The following PAX8 variants were observed in gnomAD, a reference collection of about 807,000 sequenced individuals.
The protein encoded by PAX8 is paired box protein Pax-8.
Under a neutral mutation model 52.4 loss-of-function variants are expected in PAX8, and 15 were observed. The ratio of observed to expected loss-of-function variants is 0.29; its 90% confidence interval spans 0.19 to 0.44. The LOEUF (loss-of-function observed/expected upper bound fraction) is 0.44. Ranked by LOEUF, PAX8 falls within the 20% of genes least tolerant of loss-of-function variation. PAX8 has a pLI of 1.00. For missense variants in PAX8, 554 were observed against 602.5 expected, an observed-to-expected ratio of 0.92 and a Z score of 0.84; for synonymous variants, 284 against 249.7, an observed-to-expected ratio of 1.14 and a Z score of -1.29.
At chr2:113,271,987 G>C (rs1693490455) in intron 2 of PAX8, 1 of 152,078 alleles carries the variant, frequency 6.6e-6, no homozygotes, top group Non-Finnish European at 1.5e-5. Flanking sequence ...CTCAGCTCTT[G>C]TGCAGACGTT....
intron 7 of PAX8, chr2:113,239,277 A>C (rs939179280): frequency 6.6e-5 from 10 of 152,258 alleles, no homozygotes; most frequent in African/African-American, 1.9e-4. Flanking sequence ...CTTGTTGGCC[A>C]GGCTGGTCTC....
Position 113,241,665 on chromosome 2 carries a change from C to T in PAX8, c.663G>A (p.Lys221=). 4 of 1,614,140 alleles carry T rather than the reference C, an allele frequency of 2.5e-6. No individual in the cohort carries two copies. Among genetic ancestry groups the T allele is most frequent in the Non-Finnish European group, 3.4e-6 (4 of 1,180,014 alleles). The change falls in exon 7 of 12, where the codon AAG becomes AAA. Residue 221 remains lysine, a synonymous_variant. Transcript: ENST00000429538. ...GGCTGAAGGCATCCGTGCGAAGGTG[C>T]TTTCGGGGTCCGCTGCTGCTGCTCT... ...DSQSSSSGPR[K]HLRTDAFSQH...
rs551472980 is a variant in PAX8 at position 113,258,723 on chromosome 2, G to A, written c.26-11804C>T. 5.5e-4 allele frequency among the ~76,000 whole-genome samples: 84 copies of A among 152,154 alleles called. 1 individual carries two copies. Among genetic ancestry groups the A allele is most frequent in the African/African-American group, 1.9e-3 (80 of 41,508 alleles). Reference sequence around the variant, plus strand: ...TTGATATTAGATTTCCCTTTCTATTGCTCCAGCATGATTTTCTCTTTGTCT... The same window carrying A: ...TTGATATTAGATTTCCCTTTCTATTACTCCAGCATGATTTTCTCTTTGTCT... On this transcript the variant is annotated intron_variant, in intron 2 of 11. Coordinates refer to ENST00000429538, the MANE Select transcript of PAX8 (RefSeq NM_003466.4).
At chr2:113,263,754 A>G (rs934525571) in intron 2 of PAX8, among the ~76,000 whole-genome samples, 3 of 152,274 alleles carry the variant, frequency 2.0e-5, no homozygotes, top group East Asian at 3.9e-4. Context: ...GGGACTCCAC[A>G]TGGGAAAGAC....
intron 8 of PAX8, chr2:113,235,811 A>C: frequency 1.9e-6 from 1 of 535,736 alleles, no homozygotes. Flanking sequence ...AGAGACCCGG[A>C]AGGCGTGTGT....
At chr2:113,221,889 G>A (rs1689289957) in intron 10 of PAX8, among the ~76,000 whole-genome samples, 1 of 151,948 alleles carries the variant, frequency 6.6e-6, no homozygotes, top group African/African-American at 2.4e-5. Flanking sequence ...GTTCCTTAGG[G>A]GCAGAGACTA....
intron 9 of PAX8, among the ~76,000 whole-genome samples, chr2:113,232,066 G>A (rs1288354579): frequency 1.3e-5 from 2 of 152,154 alleles, no homozygotes; most frequent in Non-Finnish European, 2.9e-5. Context: ...TCTTGGGAAG[G>A]TCTGCAGCCT....
rs1373583399 is a variant in PAX8 at position 113,218,483 on chromosome 2, C to T, written c.*50G>A. ...TTTGTGTGACTCTCTGGGGCCTGTCCCAGGCTGAGTCCTCCTGTTGCTCAG... is the reference window on the plus strand; with the variant it reads ...TTTGTGTGACTCTCTGGGGCCTGTCTCAGGCTGAGTCCTCCTGTTGCTCAG... On this transcript the variant is annotated 3_prime_UTR_variant, in exon 12 of 12. Coordinates refer to ENST00000429538, the MANE Select transcript of PAX8 (RefSeq NM_003466.4). 1.8e-6 allele frequency: 2 copies of T among 1,141,406 alleles called. No individual in the cohort carries two copies. Among genetic ancestry groups the T allele is most frequent in the African/African-American group, 3.1e-5 (2 of 63,668 alleles). The allele number at this position is 1,141,406 out of a possible 1,614,324, so 70.7% of individuals were successfully genotyped here.
chr2:113,230,763 C>T (rs1689842453), intron 9 of PAX8: 1 of 152,254 alleles, frequency 6.6e-6, no homozygotes, highest in African/African-American at 2.4e-5. Flanking sequence ...AGAAACAAAA[C>T]CACAGAAGCT....
rs988811879 is a variant in PAX8 at position 113,235,541 on chromosome 2, C to G, written c.940G>C (p.Val314Leu). 3 of 1,613,762 alleles carry G rather than the reference C, an allele frequency of 1.9e-6. No individual in the cohort carries two copies. The highest frequency in any genetic ancestry group is 2.2e-5 in the South Asian group (2 of 91,064). Residue 314 changes from valine (V) to leucine (L), a missense_variant, in exon 9 of 12, where the codon GTG becomes CTG. Val to Leu is a conservative substitution (Grantham distance 32, BLOSUM62 1). This residue lies in a region of PAX8 where 445 missense variants were observed against 409.9 expected (regional missense o/e 1.09). Transcript: ENST00000429538. The stretch of plus-strand genomic sequence containing the variant: ...GAAGGGGTGGAGCTAGAACTGGACA[C>G]CTCGGGGGTTTCCTGCTTTATGGCG... ...PFAIKQETPE[V>L]SSSSSTPSSL...
intron 2 of PAX8, 82 bp downstream of exon 2, chr2:113,278,288 C>T (rs1693973284): frequency 2.6e-6 from 3 of 1,166,100 alleles, no homozygotes; most frequent in African/African-American, 3.0e-5. Flanking sequence ...TGCTGACGCT[C>T]TCGAGATCCA....
chr2:113,219,035 G>A (rs1232433241), intron 11 of PAX8, among the ~76,000 whole-genome samples: 2 of 152,214 alleles, frequency 1.3e-5, no homozygotes, highest in African/African-American at 4.8e-5. Context: ...GGTCAAAGGG[G>A]ATCTGGGCTT....
intron 9 of PAX8, among the ~76,000 whole-genome samples, chr2:113,228,214 C>T (rs1468751624): frequency 1.3e-5 from 2 of 152,192 alleles, no homozygotes; most frequent in Non-Finnish European, 2.9e-5. Context: ...TCTTCTATTG[C>T]TCCTGTGTCC....
intron 2 of PAX8, chr2:113,265,800 C>T (rs1693012471): frequency 6.6e-6 from 1 of 152,206 alleles, no homozygotes; most frequent in South Asian, 2.1e-4. Context: ...CATTGACTTA[C>T]TAAATTGAAT....
chr2:113,254,962 A>T (rs2104537978), intron 2 of PAX8, among the ~76,000 whole-genome samples: 1 of 152,110 alleles, frequency 6.6e-6, no homozygotes, highest in South Asian at 2.1e-4. Flanking sequence ...AAGCCAGGAC[A>T]TAGTCTCAGT....
intron 2 of PAX8, 146 bp downstream of exon 2, chr2:113,278,224 C>A: frequency 1.6e-6 from 1 of 630,992 alleles, no homozygotes; most frequent in Non-Finnish European, 2.7e-6. Flanking sequence ...AGCGGAGGGC[C>A]AGGCCCCAGG....
intron 2 of PAX8, among the ~76,000 whole-genome samples, chr2:113,257,268 G>T (rs77187339): frequency 0.038 from 5,751 of 152,164 alleles, 136 homozygotes; most frequent in African/African-American, 0.064. Context: ...TCCCCTTCTA[G>T]TGCCCATGAC....
intron 2 of PAX8, among the ~76,000 whole-genome samples, chr2:113,251,630 C>G (rs1691772021): frequency 6.6e-6 from 1 of 152,084 alleles, no homozygotes; most frequent in Non-Finnish European, 1.5e-5. Flanking sequence ...AGCTTGCTGT[C>G]CAGAAACATA....
At chr2:113,231,332 G>A (rs192968262) in intron 9 of PAX8, among the ~76,000 whole-genome samples, 5 of 152,392 alleles carry the variant, frequency 3.3e-5, no homozygotes, top group Admixed American at 1.3e-4. Flanking sequence ...CGACATTGCT[G>A]TCTTGGCCAG....
Sources: allele counts gnomAD v4.1 joint callset (sites outside exome capture counted in the v4.1 genomes callset), GRCh38; gene constraint gnomAD v4.1.1; regional missense constraint gnomAD v4.1.1; transcripts MANE v1.5; gene names NCBI Gene and HGNC (gene_info 2026-07-23, HGNC 2026-07-21).